The following DCTN1 variants were observed in gnomAD, a reference collection of about 807,000 sequenced individuals.
The protein encoded by DCTN1 is dynactin subunit 1.
Under a neutral mutation model 161.2 loss-of-function variants are expected in DCTN1, and 61 were observed. The ratio of observed to expected loss-of-function variants is 0.38; its 90% CI spans 0.31 to 0.47. The LOEUF is 0.47. Among genes scored for constraint, DCTN1 ranks in the 20% least tolerant of loss-of-function variants. The pLI is 0.99. For missense variants in DCTN1, 1,404 were observed against 1,623.7 expected (o/e 0.86, Z 2.33); for synonymous variants, 653 against 632.4 (o/e 1.03, Z -0.49).
chr2:74,370,893 TTCCAGGCTCCAGC>T lies in DCTN1; in HGVS notation c.843+73_844-69del. On this transcript the variant is annotated intron_variant, in intron 9 of 31. Transcript: ENST00000628224. The surrounding 1 kb of genome is among the most constrained non-coding windows in gnomAD (Gnocchi z 4.4). ...TGCCCCAGGCCTTTCTCACAGTATG[TTCCAGGCTCCAGC>T]TCCAGTCTAGTTTCCAGCATGCTTC... is the stretch of plus-strand genomic sequence containing the variant. 6.2e-7 allele frequency: 1 copy of T among 1,613,404 alleles called. No homozygotes were observed. Among genetic ancestry groups the T allele is most frequent in the Non-Finnish European group, 8.5e-7 (1 of 1,179,786 alleles).
At position 74,370,915 on chromosome 2, in the gene DCTN1, A is replaced by C; in HGVS notation, c.843+64T>G. The C allele has an allele frequency of 6.2e-7, 1 of 1,613,338 alleles. No homozygotes were observed. The highest frequency in any genetic ancestry group is 8.5e-7 in the Non-Finnish European group (1 of 1,179,958). Reference sequence around the variant, plus strand: ...ATGTTCCAGGCTCCAGCTCCAGTCTAGTTTCCAGCATGCTTCCTTAGGTCT... The same window carrying C: ...ATGTTCCAGGCTCCAGCTCCAGTCTCGTTTCCAGCATGCTTCCTTAGGTCT... On this transcript the variant is annotated intron_variant, in intron 9 of 31. Coordinates refer to ENST00000628224, the MANE Select transcript of DCTN1 (RefSeq NM_004082.5). This position sits in a 1 kb window ranked among gnomAD's most constrained non-coding sequence, Gnocchi z 4.4.
At chr2:74,363,942 G>A (rs1372077803) in intron 26 of DCTN1, 8 of 463,278 alleles carry the variant, frequency 1.7e-5, no homozygotes, top group Non-Finnish European at 3.2e-5. Flanking sequence ...TGTCTCAGAT[G>A]CCATCTCCAA....
rs1443384895 is a variant in DCTN1 at position 74,366,838 on chromosome 2, C to T, written c.2411G>A (p.Arg804Gln). 1.2e-6 allele frequency: 2 copies of T among 1,614,152 alleles called. No homozygotes were observed. The highest frequency in any genetic ancestry group is 1.7e-6 in the Non-Finnish European group (2 of 1,180,064). The change falls in exon 21 of 32, where the codon CGA (arginine) becomes CAA (glutamine). Residue 804 changes from arginine to glutamine, a missense_variant. By Grantham distance (43) the Arg-to-Gln change is conservative. Around this residue, in one of 9 missense-constraint regions of DCTN1, gnomAD observed 475 missense variants for 489.8 expected, o/e 0.97. Transcript: ENST00000628224. The part of the protein sequence containing the change: ...IRQFCKKIRR[R>Q]MPGTDAPGIP... The stretch of plus-strand genomic sequence containing the variant: ...CCCAGGAGCATCTGTCCCTGGCATT[C>T]GCCTTCGGATCTTCTTGCAGAACTG...
chr2:74,368,315 A>G (rs1674575760), intron 16 of DCTN1, 184 bp from the exon 17 acceptor site: 2 of 770,650 alleles, frequency 2.6e-6, no homozygotes, highest in South Asian at 3.6e-5. Context: ...TGATTACTGG[A>G]GGTTGTGAGG....
chr2:74,380,022 T>C lies in DCTN1; in HGVS notation c.16A>G (p.Arg6Gly). MAQSK[R>G]HVYSRTPSGS... ...CCACTTACCCGGCTGTACACGTGCCTCTTGCTCTGTGCCATGTTGCTCACC... is the reference window on the plus strand; with the variant it reads ...CCACTTACCCGGCTGTACACGTGCCCCTTGCTCTGTGCCATGTTGCTCACC... Residue 6 changes from arginine (R) to glycine (G), a missense_variant, in exon 1 of 32, where the codon AGG becomes GGG. This residue lies in a region of DCTN1 where 53 missense variants were observed against 54.4 expected (regional missense o/e 0.97). Coordinates refer to ENST00000628224, the MANE Select transcript of DCTN1 (RefSeq NM_004082.5). The C allele has an allele frequency of 6.2e-7, 1 of 1,614,120 alleles. No individual in the cohort carries two copies. Among genetic ancestry groups the C allele is most frequent in the Non-Finnish European group, 8.5e-7 (1 of 1,179,996 alleles).
In DCTN1 at chr2:74,368,873, T is replaced by C. The variant is rs1315594516; in HGVS notation, c.1709A>G (p.Glu570Gly). ...AETKAHAKAI[E>G]MELRQMEVAQ... Reference sequence around the variant, plus strand: ...CACCTCCATCTGCCTCAATTCCATCTCAATTGCCTGTGAGGTGAACAGGGA... The same window carrying C: ...CACCTCCATCTGCCTCAATTCCATCCCAATTGCCTGTGAGGTGAACAGGGA... The change falls in exon 16 of 32, where the codon GAG becomes GGG. Residue 570 changes from glutamate to glycine, a missense_variant. Physicochemically the swap from Glu to Gly is moderately conservative, Grantham distance 98 (BLOSUM62 -2). Coordinates refer to ENST00000628224, the MANE Select transcript of DCTN1 (RefSeq NM_004082.5). 6.2e-7 allele frequency: 1 copy of C among 1,614,116 alleles called. No homozygotes were observed. Among genetic ancestry groups the C allele is most frequent in the Non-Finnish European group, 8.5e-7 (1 of 1,180,042 alleles).
chr2:74,366,617 A>T lies in DCTN1; in HGVS notation c.2470T>A (p.Ser824Thr). 2 of 1,612,394 alleles carry T rather than the reference A, an allele frequency of 1.2e-6. No individual in the cohort carries two copies. The highest frequency in any genetic ancestry group is 2.2e-5 in the South Asian group (2 of 91,084). Residue 824 changes from serine (S) to threonine (T), a missense_variant, in exon 22 of 32, where the codon TCT (serine) becomes ACT (threonine). Ser to Thr is a moderately conservative substitution (Grantham distance 58). This residue lies in a region of DCTN1 where 475 missense variants were observed against 489.8 expected (regional missense o/e 0.97). Transcript: ENST00000628224. ...PAALAFGPQV[S>T]DTLLDCRKHL... The stretch of plus-strand genomic sequence containing the variant: ...TTCCTGCAGTCTAGGAGCGTGTCAG[A>T]TACCTGTGTGCCAGGCCAGAGTCAG...
chr2:74,366,410 A>T, intron 22 of DCTN1, 35 bp from the exon 23 acceptor site: 1 of 1,614,106 alleles, frequency 6.2e-7, no homozygotes, highest in Non-Finnish European at 8.5e-7. Flanking sequence ...AAAGCCCCAC[A>T]CTGGTCACTA....
At position 74,361,595 on chromosome 2, in the gene DCTN1, T is replaced by C; in HGVS notation, c.3741A>G (p.Lys1247=). The change falls in exon 32 of 32, where the codon AAA becomes AAG. Residue 1247 remains lysine, a synonymous_variant. Coordinates refer to ENST00000628224, the MANE Select transcript of DCTN1 (RefSeq NM_004082.5). ...AACCAGCCGCACATGAGAAGGTCAC[T>C]TTGCCCATGTAGACTGTGTCATCCT... ...EQQDDTVYMG[K]VTFSCAAGFG... 6.2e-7 allele frequency: 1 copy of C among 1,614,100 alleles called. No homozygotes were observed. The highest frequency in any genetic ancestry group is 8.5e-7 in the Non-Finnish European group (1 of 1,179,994).
At position 74,365,078 on chromosome 2, in the gene DCTN1, C is replaced by T; in HGVS notation, c.3193G>A (p.Gly1065Ser). The T allele has an allele frequency of 6.2e-7, 1 of 1,614,064 alleles. No homozygotes were observed. Among genetic ancestry groups the T allele is most frequent in the African/African-American group, 1.3e-5 (1 of 75,014 alleles). The change falls in exon 26 of 32, where the codon GGT (glycine) becomes AGT (serine). Residue 1065 changes from glycine to serine, a missense_variant. Coordinates refer to ENST00000628224, the MANE Select transcript of DCTN1 (RefSeq NM_004082.5). Reference protein sequence around the residue: ...GIATLVSGIAGEEQQRGAIPG... With the variant: ...GIATLVSGIASEEQQRGAIPG... ...CTGCCTATTCCACAGTACTCACCAC[C>T]AGCAATGCCAGAGACCAGAGTAGCA...
intron 24 of DCTN1, 41 bp downstream of exon 24, chr2:74,365,852 A>G: frequency 3.1e-6 from 5 of 1,613,816 alleles, no homozygotes; most frequent in Non-Finnish European, 4.2e-6. Context: ...GAGTCCTACC[A>G]ATTTCCTGGC....
Position 74,368,866 on chromosome 2 carries a change from T to C in DCTN1, c.1716A>G (p.Glu572=). Residue 572 remains glutamate, a synonymous_variant, in exon 16 of 32, where the codon GAA becomes GAG. Coordinates refer to ENST00000628224, the MANE Select transcript of DCTN1 (RefSeq NM_004082.5). ...CCTGGGCCACCTCCATCTGCCTCAA[T>C]TCCATCTCAATTGCCTGTGAGGTGA... The part of the protein sequence containing the change: ...TKAHAKAIEM[E]LRQMEVAQAN... The C allele has an allele frequency of 6.2e-7, 1 of 1,614,264 alleles. No homozygotes were observed. Among genetic ancestry groups the C allele is most frequent in the Non-Finnish European group, 8.5e-7 (1 of 1,180,048 alleles).
At chr2:74,382,868 C>A (rs893101243), upstream of DCTN1, among the ~76,000 whole-genome samples, 1 of 150,386 alleles carries the variant, frequency 6.6e-6, no homozygotes, top group Non-Finnish European at 1.5e-5. Flanking sequence ...GTCAGGAGAT[C>A]GAGACCATCC....
Position 74,369,025 on chromosome 2 carries a change from A to C in DCTN1, c.1701+73T>G. 6.4e-7 allele frequency: 1 copy of C among 1,564,514 alleles called. No homozygotes were observed. Among genetic ancestry groups the C allele is most frequent in the South Asian group, 1.1e-5 (1 of 90,020 alleles). On this transcript the variant is annotated intron_variant, in intron 15 of 31. Transcript: ENST00000628224. This position sits in a 1 kb window ranked among gnomAD's most constrained non-coding sequence, Gnocchi z 4.9. ...CACCACACAAAGCACCCCTTCCCCC[A>C]GGAATCTGAAGCCCAGACCCCATAC...
intron 24 of DCTN1, 114 bp downstream of exon 24, chr2:74,365,779 C>T (rs756627121): frequency 1.4e-5 from 23 of 1,610,470 alleles, no homozygotes; most frequent in Non-Finnish European, 1.8e-5. Context: ...GATTGCAGGC[C>T]CCACTTCTCC....
intron 29 of DCTN1, 64 bp from the exon 30 acceptor site, chr2:74,362,793 G>T (rs1674111523): frequency 2.0e-6 from 3 of 1,508,866 alleles, no homozygotes; most frequent in Non-Finnish European, 2.7e-6. Flanking sequence ...CTGGATTAAG[G>T]GTTAGGGGTG....
chr2:74,362,128 T>C lies in DCTN1; in HGVS notation c.3623A>G (p.Lys1208Arg), dbSNP rs758026180. Residue 1208 changes from lysine to arginine, a missense_variant, in exon 31 of 32, where the codon AAG (lysine) becomes AGG (arginine). Around this residue, in one of 9 missense-constraint regions of DCTN1, gnomAD observed 311 missense variants for 298.9 expected, o/e 1.04. Transcript: ENST00000628224. ...TVEKLKDEVL[K>R]ETVSQRPGAT... Reference sequence around the variant, plus strand: ...TCCAGGGCGCTGAGATACTGTCTCCTTGAGGACCTCATCCTAGGGAAGGGG... The same window carrying C: ...TCCAGGGCGCTGAGATACTGTCTCCCTGAGGACCTCATCCTAGGGAAGGGG... 17 of 1,613,612 alleles carry C rather than the reference T, an allele frequency of 1.1e-5. No homozygotes were observed. The African/African-American group carries it at 1.7e-4, about 16-fold the overall frequency.
chr2:74,368,071 G>A lies in DCTN1; in HGVS notation c.1915C>T (p.Arg639Trp), dbSNP rs776398707. ...KFELSENCSE[R>W]PGLRGAAGEQ... Reference sequence around the variant, plus strand: ...CCAGCAGCTCCTCGCAGCCCAGGCCGCTCTGAACAGTTCTCACTTAGTTCA... The same window carrying A: ...CCAGCAGCTCCTCGCAGCCCAGGCCACTCTGAACAGTTCTCACTTAGTTCA... Residue 639 changes from arginine to tryptophan, a missense_variant, in exon 17 of 32, where the codon CGG (arginine) becomes TGG (tryptophan). This residue lies in a region of DCTN1 where 475 missense variants were observed against 489.8 expected (regional missense o/e 0.97). Coordinates refer to ENST00000628224, the MANE Select transcript of DCTN1 (RefSeq NM_004082.5). 1.8e-5 allele frequency: 29 copies of A among 1,610,114 alleles called. No homozygotes were observed. Among genetic ancestry groups the A allele is most frequent in the East Asian group, 1.3e-4 (6 of 44,658 alleles).
chr2:74,364,886 A>T (rs1674285736), intron 26 of DCTN1, 189 bp downstream of exon 26: 2 of 694,288 alleles, frequency 2.9e-6, no homozygotes, highest in African/African-American at 3.5e-5. Flanking sequence ...CTTTGCCCAG[A>T]GAAACTCAGC....
Sources: allele counts gnomAD v4.1 joint callset (sites outside exome capture counted in the v4.1 genomes callset), GRCh38; gene constraint gnomAD v4.1.1; regional missense constraint gnomAD v4.1.1; non-coding constraint Gnocchi (gnomAD v3.1); transcripts MANE v1.5; gene names NCBI Gene and HGNC (gene_info 2026-07-23, HGNC 2026-07-21).